GRK5: variants seen among roughly 807,000 people sequenced by gnomAD.
The protein encoded by GRK5 is G protein-coupled receptor kinase 5.
A neutral mutation model predicts 78.4 loss-of-function variants in GRK5; 40 were observed. The ratio of observed to expected loss-of-function variants is 0.51; its 90% CI spans 0.40 to 0.66. The LOEUF (loss-of-function observed/expected upper bound fraction) is 0.66. GRK5 is among the 30% of genes least tolerant of loss of function. The pLI, the probability that GRK5 is intolerant of heterozygous loss-of-function variation, is 0.00. For synonymous variants in GRK5, 289 were observed against 296.8 expected (o/e 0.97, Z 0.27); for missense variants, 598 against 759.9 (o/e 0.79, Z 2.50).
chr10:119,209,659 C>T (rs1170148175), intron 1 of GRK5, among the ~76,000 whole-genome samples: 2 of 151,782 alleles, frequency 1.3e-5, no homozygotes, highest in Non-Finnish European at 2.9e-5. Flanking sequence ...CAGCTGGCCA[C>T]CTAGTGGTGG....
intron 3 of GRK5, among the ~76,000 whole-genome samples, chr10:119,382,061 C>T (rs555676666): frequency 1.1e-3 from 171 of 152,326 alleles, no homozygotes; most frequent in African/African-American, 4.0e-3. Flanking sequence ...GTGACCAGCA[C>T]CCTATAGTCA....
chr10:119,375,024 C>T (rs991268852), intron 2 of GRK5, among the ~76,000 whole-genome samples: 3 of 152,166 alleles, frequency 2.0e-5, no homozygotes, highest in Non-Finnish European at 4.4e-5. Flanking sequence ...GCAAGAATGG[C>T]CTAATACACT....
In GRK5 at chr10:119,452,528, C is replaced by T; in HGVS notation, c.1405-143C>T. On this transcript the variant is annotated intron_variant, in intron 13 of 15. Transcript: ENST00000392870. This position sits in a 1 kb window ranked among gnomAD's most constrained non-coding sequence, Gnocchi z 4.4. Reference sequence around the variant, plus strand: ...TGGACTCACCTGCATCTGAGCCACACACCCTCCAGCCACTACCCATAGCAG... The same window carrying T: ...TGGACTCACCTGCATCTGAGCCACATACCCTCCAGCCACTACCCATAGCAG... 2 of 962,794 alleles carry T rather than the reference C, an allele frequency of 2.1e-6. No individual in the cohort carries two copies. The highest frequency in any genetic ancestry group is 3.0e-6 in the Non-Finnish European group (2 of 658,576). The allele number at this position is 962,794 out of a possible 1,614,324, so 59.6% of individuals were successfully genotyped here.
At chr10:119,427,165 G>A (rs200218950) in intron 6 of GRK5, among the ~76,000 whole-genome samples, 106 of 137,718 alleles carry the variant, frequency 7.7e-4, no homozygotes, top group African/African-American at 2.7e-3. Context: ...ATATCCCACC[G>A]CCATCATCAG....
intron 3 of GRK5, among the ~76,000 whole-genome samples, chr10:119,381,778 G>A (rs886738868): frequency 1.3e-5 from 2 of 152,114 alleles, no homozygotes; most frequent in African/African-American, 2.4e-5. Context: ...TGCAGGGGCC[G>A]AGAGGCTGCT....
intron 1 of GRK5, among the ~76,000 whole-genome samples, chr10:119,304,625 T>C (rs1161254114): frequency 6.6e-6 from 1 of 152,188 alleles, no homozygotes; most frequent in African/African-American, 2.4e-5. Context: ...AGCGAGCAGC[T>C]GAGCTCACCC....
At position 119,207,848 on chromosome 10, in the gene GRK5, A is replaced by G. The variant is rs895496985; in HGVS notation, c.-70A>G. ...CAGCGGCGGCAGCCCGAGCAGCGGCAGCAGCAGCGGCAGCACCCCAGGCGC... is the reference window on the plus strand; with the variant it reads ...CAGCGGCGGCAGCCCGAGCAGCGGCGGCAGCAGCGGCAGCACCCCAGGCGC... On this transcript the variant is annotated 5_prime_UTR_variant, in exon 1 of 16. Coordinates refer to ENST00000392870, the MANE Select transcript of GRK5 (RefSeq NM_005308.3). 7.0e-7 allele frequency: 1 copy of G among 1,432,124 alleles called. No individual in the cohort carries two copies. Among genetic ancestry groups the G allele is most frequent in the Non-Finnish European group, 9.5e-7 (1 of 1,054,022 alleles). The allele number at this position is 1,432,124 out of a possible 1,614,324, so 88.7% of individuals were successfully genotyped here.
chr10:119,384,458 G>A (rs1298606204), intron 3 of GRK5, among the ~76,000 whole-genome samples: 1 of 152,220 alleles, frequency 6.6e-6, no homozygotes, highest in East Asian at 1.9e-4. Flanking sequence ...CGTGTACTTC[G>A]TGTCTTCATC....
At chr10:119,319,434 C>G (rs1227087652) in intron 1 of GRK5, among the ~76,000 whole-genome samples, 6 of 152,258 alleles carry the variant, frequency 3.9e-5, no homozygotes, top group African/African-American at 1.4e-4. Flanking sequence ...CGGGAGCCCC[C>G]CTGATCGGCC....
chr10:119,279,705 G>A (rs531628226), intron 1 of GRK5, among the ~76,000 whole-genome samples: 3 of 152,386 alleles, frequency 2.0e-5, no homozygotes, highest in East Asian at 1.9e-4. Flanking sequence ...GAAGAGCCAC[G>A]CTGCAGGGCA....
intron 1 of GRK5, among the ~76,000 whole-genome samples, chr10:119,225,194 G>A (rs1160446787): frequency 6.6e-6 from 1 of 152,146 alleles, no homozygotes; most frequent in African/African-American, 2.4e-5. Context: ...TTCTTTAGTA[G>A]ATTACAGAAA....
At chr10:119,395,839 G>T (rs1043993925) in intron 3 of GRK5, among the ~76,000 whole-genome samples, 1 of 152,136 alleles carries the variant, frequency 6.6e-6, no homozygotes, top group Admixed American at 6.6e-5. Flanking sequence ...TCCCAGCCCT[G>T]CCACCTCCCG....
At chr10:119,320,497 G>GAGAC (rs1850566191) in intron 1 of GRK5, among the ~76,000 whole-genome samples, 1 of 152,218 alleles carries the variant, frequency 6.6e-6, no homozygotes, top group East Asian at 1.9e-4. Context: ...GTTCAACACA[G>GAGAC]AGACAGACAG....
intron 4 of GRK5, among the ~76,000 whole-genome samples, chr10:119,409,862 GA>G (rs1261391834): frequency 3.9e-5 from 6 of 152,320 alleles, no homozygotes; most frequent in African/African-American, 1.4e-4. Context: ...CACAAAGAAT[GA>G]GGGACACTCC....
intron 1 of GRK5, among the ~76,000 whole-genome samples, chr10:119,251,336 G>A (rs946944096): frequency 1.3e-5 from 2 of 152,206 alleles, no homozygotes; most frequent in Non-Finnish European, 2.9e-5. Flanking sequence ...AGTATTTCTT[G>A]TTCAATCAGA....
At chr10:119,216,373 C>T (rs1848574627) in intron 1 of GRK5, among the ~76,000 whole-genome samples, 1 of 152,234 alleles carries the variant, frequency 6.6e-6, no homozygotes, top group Non-Finnish European at 1.5e-5. Context: ...TAAGAACATG[C>T]CTCTGTCCTG....
intron 4 of GRK5, among the ~76,000 whole-genome samples, chr10:119,403,746 G>C (rs922121917): frequency 2.0e-5 from 3 of 152,020 alleles, no homozygotes; most frequent in African/African-American, 7.3e-5. Context: ...TGATCCTCCT[G>C]CCACCGCCTC....
At chr10:119,424,193 G>C (rs1470245297) in intron 5 of GRK5, among the ~76,000 whole-genome samples, 1 of 152,140 alleles carries the variant, frequency 6.6e-6, no homozygotes, top group Non-Finnish European at 1.5e-5. Flanking sequence ...TGGTGACTCT[G>C]ACCCTGAGGG....
chr10:119,417,677 A>T (rs1852487768), intron 4 of GRK5, among the ~76,000 whole-genome samples: 1 of 152,184 alleles, frequency 6.6e-6, no homozygotes. Flanking sequence ...GGAACAGAAG[A>T]TGAGAGAGGC....
Sources: gnomAD v4.1 joint callset for allele counts (sites outside exome capture counted in the v4.1 genomes callset) on GRCh38, gnomAD v4.1.1 for gene constraint, Gnocchi (gnomAD v3.1) non-coding constraint, MANE v1.5 for transcripts, NCBI Gene and HGNC (gene_info 2026-07-23, HGNC 2026-07-21) for gene names.